Variants in PINX1 observed in about 807,000 individuals in gnomAD.
PINX1 encodes PIN2 (TERF1) interacting telomerase inhibitor 1.
Under a neutral mutation model 25.4 loss-of-function variants are expected in PINX1, and 34 were observed. That is an observed-to-expected ratio of 1.34 (90% CI 1.02 to 1.78). The LOEUF is 1.78. Among genes scored for constraint, PINX1 ranks in the 40% most tolerant of loss-of-function variants. The pLI is 0.00. For missense variants in PINX1, 592 were observed against 404.9 expected (o/e 1.46, Z -3.97); for synonymous variants, 197 against 147.7 (o/e 1.33, Z -2.42).
chr8:10,822,815 G>A (rs529046866), intron 5 of PINX1, among the ~76,000 whole-genome samples: 9 of 152,178 alleles, frequency 5.9e-5, no homozygotes, highest in Non-Finnish European at 8.8e-5. Context: ...TTGAGCTGCC[G>A]AGAGTAAAGA....
At chr8:10,794,496 G>A (rs1455710373) in intron 6 of PINX1, among the ~76,000 whole-genome samples, 2 of 151,542 alleles carry the variant, frequency 1.3e-5, no homozygotes, top group East Asian at 1.9e-4. Context: ...GTGCACTAGC[G>A]CAATCTCAGC....
At chr8:10,819,559 C>T (rs866428674) in intron 6 of PINX1, among the ~76,000 whole-genome samples, 1 of 152,180 alleles carries the variant, frequency 6.6e-6, no homozygotes, top group Non-Finnish European at 1.5e-5. Flanking sequence ...CACTTCAAAA[C>T]AGCACAAAAA....
At chr8:10,831,883 T>G in intron 3 of PINX1, 140 bp from the exon 4 acceptor site, 1 of 627,640 alleles carries the variant, frequency 1.6e-6, no homozygotes, top group South Asian at 1.9e-5. Flanking sequence ...TTTGATAAAT[T>G]TAAGTGGATT....
At chr8:10,825,831 T>G (rs1798021224) in intron 5 of PINX1, among the ~76,000 whole-genome samples, 1 of 152,230 alleles carries the variant, frequency 6.6e-6, no homozygotes, top group African/African-American at 2.4e-5. Flanking sequence ...GGCAAGAAAT[T>G]AAAATTATTT....
chr8:10,833,600 T>G (rs1378519621), intron 2 of PINX1: 1 of 66,688 alleles, frequency 1.5e-5, no homozygotes, highest in Non-Finnish European at 3.2e-5. Context: ...TGCGGGAGGC[T>G]GGAGAAGAAT....
intron 6 of PINX1, among the ~76,000 whole-genome samples, chr8:10,796,185 G>C (rs961864345): frequency 1.3e-5 from 2 of 152,138 alleles, no homozygotes; most frequent in Non-Finnish European, 2.9e-5. Context: ...GAAGGAGCTT[G>C]ATTGGCTCAG....
intron 6 of PINX1, among the ~76,000 whole-genome samples, chr8:10,778,139 T>A (rs1801452830): frequency 6.6e-6 from 1 of 151,846 alleles, no homozygotes; most frequent in Non-Finnish European, 1.5e-5. Context: ...AGGGAGGGGG[T>A]GAATATAACT....
chr8:10,769,826 C>T (rs1801169783), intron 6 of PINX1, among the ~76,000 whole-genome samples: 1 of 152,202 alleles, frequency 6.6e-6, no homozygotes, highest in Admixed American at 6.5e-5. Flanking sequence ...TAGCTCCCAC[C>T]TCATGGACTG....
chr8:10,811,525 T>A (rs745513699), intron 6 of PINX1, among the ~76,000 whole-genome samples: 9 of 152,186 alleles, frequency 5.9e-5, no homozygotes, highest in Non-Finnish European at 1.3e-4. Context: ...TATCAGCCAT[T>A]TCCCTGTTCA....
intron 6 of PINX1, among the ~76,000 whole-genome samples, chr8:10,807,598 T>G (rs957251810): frequency 6.6e-6 from 1 of 152,044 alleles, no homozygotes; most frequent in Admixed American, 6.5e-5. Flanking sequence ...TCTAAAACCT[T>G]CTGAAAATGA....
intron 6 of PINX1, among the ~76,000 whole-genome samples, chr8:10,767,167 G>A (rs931935251): frequency 2.6e-5 from 4 of 152,136 alleles, no homozygotes; most frequent in African/African-American, 9.7e-5. Flanking sequence ...CTCCAAATCA[G>A]GATTCTACTA....
intron 4 of PINX1, 108 bp downstream of exon 4, chr8:10,831,557 A>G (rs1157519667): frequency 5.5e-6 from 4 of 722,662 alleles, no homozygotes; most frequent in Non-Finnish European, 1.0e-5. Context: ...ATCACACTAT[A>G]CTCAATAAAT....
At chr8:10,826,114 T>A (rs376805344) in intron 5 of PINX1, 38 bp downstream of exon 5, 1 of 1,176,916 alleles carries the variant, frequency 8.5e-7, no homozygotes, top group South Asian at 1.3e-5. Context: ...GACAAACACG[T>A]AGATTTCAAT....
Position 10,824,948 on chromosome 8 carries a change from C to T in PINX1, c.394+1204G>A, listed in dbSNP as rs549698768. ...GAAGCCTGTATTCTGTTCCATAGCA[C>T]GCTGGGGTGGAGAAGAACCCCAGTC... On this transcript the variant is annotated intron_variant, in intron 5 of 6. Coordinates refer to ENST00000314787, the MANE Select transcript of PINX1 (RefSeq NM_017884.6). 1.1e-4 allele frequency among the ~76,000 whole-genome samples: 17 copies of T among 152,270 alleles called. No individual in the cohort carries two copies. The South Asian group carries it at 2.9e-3, about 26-fold the overall frequency.
chr8:10,835,646 C>CT (rs1563241937), intron 1 of PINX1, among the ~76,000 whole-genome samples: 2 of 152,130 alleles, frequency 1.3e-5, no homozygotes. Context: ...CCATCATCTC[C>CT]TTAGGGCTCA....
chr8:10,824,973 C>A (rs1273255571), intron 5 of PINX1, among the ~76,000 whole-genome samples: 1 of 152,170 alleles, frequency 6.6e-6, no homozygotes, highest in Non-Finnish European at 1.5e-5. Flanking sequence ...GAACCCCAGT[C>A]AGAAGGGATA....
chr8:10,767,092 G>T lies in PINX1; in HGVS notation c.472-1176C>A, dbSNP rs554843824. ...TCCTTCATACTCATTTATCTCACAAGAAGAGGCTGGGTGTTCTACGCTTTC... is the reference window on the plus strand; with the variant it reads ...TCCTTCATACTCATTTATCTCACAATAAGAGGCTGGGTGTTCTACGCTTTC... On this transcript the variant is annotated intron_variant, in intron 6 of 6. Coordinates refer to ENST00000314787, the MANE Select transcript of PINX1 (RefSeq NM_017884.6). 2.1e-5 allele frequency among the ~76,000 whole-genome samples: 3 copies of T among 142,374 alleles called. No individual in the cohort carries two copies. In the South Asian group the frequency reaches 6.7e-4, roughly 32 times the overall value. 93.4% of individuals were successfully genotyped at this position (142,374 alleles called of 152,430 possible).
Position 10,839,776 on chromosome 8 carries a change from C to G in PINX1, c.-20G>C. 1 of 1,599,818 alleles carries G rather than the reference C, an allele frequency of 6.3e-7. No homozygotes were observed. The highest frequency in any genetic ancestry group is 8.5e-7 in the Non-Finnish European group (1 of 1,172,964). On this transcript the variant is annotated 5_prime_UTR_variant, in exon 1 of 7. Coordinates refer to ENST00000314787, the MANE Select transcript of PINX1 (RefSeq NM_017884.6). ...AGACATGTCGGAGAGCCTGTGATAC[C>G]GCCGCCTCTGGACCTGGGTGACTGC...
chr8:10,779,974 T>G (rs536500238), intron 6 of PINX1, among the ~76,000 whole-genome samples: 213 of 152,238 alleles, frequency 1.4e-3, no homozygotes, highest in African/African-American at 5.0e-3. Context: ...TACACTAGAT[T>G]GGAAGGAAGC....
Sources: allele counts gnomAD v4.1 joint callset (sites outside exome capture counted in the v4.1 genomes callset), GRCh38; gene constraint gnomAD v4.1.1; transcripts MANE v1.5; gene names NCBI Gene and HGNC (gene_info 2026-07-23, HGNC 2026-07-21).